Variants in DPT observed in about 807,000 individuals in gnomAD.
DPT encodes the protein dermatopontin.
Under a neutral mutation model 31.2 loss-of-function variants are expected in DPT, and 21 were observed. That is an observed-to-expected ratio of 0.67 (90% CI 0.48 to 0.97). DPT has a LOEUF of 0.97. Ranked by LOEUF, DPT falls within the 50% of genes least tolerant of loss-of-function variation. DPT has a pLI of 0.00. For missense variants in DPT, 262 were observed against 258.8 expected, an observed-to-expected ratio of 1.01 and a Z score of -0.08; for synonymous variants, 91 against 86.9, an observed-to-expected ratio of 1.05 and a Z score of -0.26.
At chr1:168,699,582 AT>A (rs1476737756) in intron 3 of DPT, among the ~76,000 whole-genome samples, 3 of 150,532 alleles carry the variant, frequency 2.0e-5, no homozygotes, top group Non-Finnish European at 4.4e-5. Context: ...GAGCTACTTA[AT>A]GTCTTTTTTT....
intron 1 of DPT, among the ~76,000 whole-genome samples, chr1:168,720,153 A>C (rs1650069629): frequency 6.6e-6 from 1 of 152,128 alleles, no homozygotes; most frequent in African/African-American, 2.4e-5. Flanking sequence ...GCCTCACCTA[A>C]GGCACTGTGT....
chr1:168,709,743 A>G (rs1223343151), intron 2 of DPT, among the ~76,000 whole-genome samples: 4 of 152,206 alleles, frequency 2.6e-5, no homozygotes, highest in Non-Finnish European at 4.4e-5. Context: ...TCCCACCCAC[A>G]TGGGTCCAGT....
intron 3 of DPT, among the ~76,000 whole-genome samples, chr1:168,698,687 A>G (rs1474784357): frequency 1.3e-5 from 2 of 152,150 alleles, no homozygotes; most frequent in Admixed American, 1.3e-4. Context: ...GGGTAGACTA[A>G]ACATCTAGAA....
intron 1 of DPT, among the ~76,000 whole-genome samples, chr1:168,722,704 G>A (rs959608452): frequency 2.6e-5 from 4 of 152,086 alleles, no homozygotes; most frequent in African/African-American, 4.8e-5. Flanking sequence ...GTTCTAGGGA[G>A]GTGTGTTTTA....
intron 1 of DPT, among the ~76,000 whole-genome samples, chr1:168,719,602 A>G (rs1650055090): frequency 6.6e-6 from 1 of 152,056 alleles, no homozygotes; most frequent in Non-Finnish European, 1.5e-5. Flanking sequence ...TTGGAGGGAA[A>G]CTACTTGGAG....
intron 2 of DPT, among the ~76,000 whole-genome samples, chr1:168,706,073 T>A (rs867066824): frequency 1.3e-5 from 2 of 152,198 alleles, no homozygotes; most frequent in Non-Finnish European, 2.9e-5. Flanking sequence ...ATCAGCAACA[T>A]GAAAATGGAC....
intron 2 of DPT, among the ~76,000 whole-genome samples, chr1:168,713,468 C>A (rs7525963): frequency 0.067 from 10,148 of 152,240 alleles, 1,116 homozygotes; most frequent in African/African-American, 0.23. Flanking sequence ...AGGGAGCCAA[C>A]CTTCACATGT....
intron 1 of DPT, among the ~76,000 whole-genome samples, chr1:168,721,358 A>T (rs532350922): frequency 1.3e-5 from 2 of 152,308 alleles, no homozygotes; most frequent in Non-Finnish European, 2.9e-5. Context: ...AACTAAAGAG[A>T]TGCTATATAT....
intron 2 of DPT, among the ~76,000 whole-genome samples, chr1:168,710,265 C>T (rs1306859763): frequency 1.3e-5 from 2 of 152,152 alleles, no homozygotes; most frequent in Non-Finnish European, 2.9e-5. Flanking sequence ...ATTTGGTGAC[C>T]GTGATAGCTC....
chr1:168,701,095 C>A lies in DPT; in HGVS notation c.461G>T (p.Gly154Val). 1 of 1,613,734 alleles carries A rather than the reference C, an allele frequency of 6.2e-7. No homozygotes were observed. Among genetic ancestry groups the A allele is most frequent in the Non-Finnish European group, 8.5e-7 (1 of 1,179,826 alleles). ...GTAGGAAATCATGTCCATTTCCTCACCATAGTGACCTGGATATTCTGTTGT... is the reference window on the plus strand; with the variant it reads ...GTAGGAAATCATGTCCATTTCCTCAACATAGTGACCTGGATATTCTGTTGT... The part of the protein sequence containing the change: ...WLTTEYPGHY[G>V]EEMDMISYNY... Residue 154 changes from glycine to valine, a missense_variant, in exon 3 of 4, where the codon GGT (glycine) becomes GTT (valine). Physicochemically the swap from Gly to Val is moderately radical, Grantham distance 109. Transcript: ENST00000367817.
chr1:168,723,766 C>A (rs1650173034), intron 1 of DPT, among the ~76,000 whole-genome samples: 1 of 152,170 alleles, frequency 6.6e-6, no homozygotes, highest in Admixed American at 6.5e-5. Context: ...GCCCAAGACC[C>A]CCTCCAGTGC....
intron 2 of DPT, among the ~76,000 whole-genome samples, chr1:168,708,868 A>T (rs1383162981): frequency 6.6e-6 from 1 of 152,200 alleles, no homozygotes; most frequent in Admixed American, 6.5e-5. Context: ...TAACATCTGA[A>T]CAAAGAGGCT....
At position 168,701,143 on chromosome 1, in the gene DPT, G is replaced by A. The variant is rs74122751; in HGVS notation, c.432-19C>T. ...TGTTAGCCTATGCAGGAAGAACAAA[G>A]GTTAGAGGAAAATGAAACACATTAT... On this transcript the variant is annotated intron_variant, in intron 2 of 3. Coordinates refer to ENST00000367817, the MANE Select transcript of DPT (RefSeq NM_001937.5). 5.6e-3 allele frequency: 8,696 copies of A among 1,565,538 alleles called. 439 individuals are homozygous for A. The African/African-American group carries it at 0.11, about 19-fold the overall frequency.
chr1:168,709,473 G>C lies in DPT; in HGVS notation c.431+4748C>G, dbSNP rs142843695. Among the ~76,000 whole-genome samples the C allele has an allele frequency of 8.5e-3, 1,289 of 152,300 alleles. 13 individuals are homozygous for C. The highest frequency in any genetic ancestry group is 0.027 in the Middle Eastern group (8 of 294). ...CTCAGGAATTTGCTTTCTTGCCAGA[G>C]TCCAGTGAGGCTGTAATATCCAAAG... is the stretch of plus-strand genomic sequence containing the variant. On this transcript the variant is annotated intron_variant, in intron 2 of 3. Transcript: ENST00000367817.
chr1:168,717,217 T>C (rs1475789762), intron 1 of DPT, among the ~76,000 whole-genome samples: 1 of 152,228 alleles, frequency 6.6e-6, no homozygotes, highest in Non-Finnish European at 1.5e-5. Context: ...CCAGCATCTG[T>C]TGGTTCTTGG....
chr1:168,701,554 A>G (rs564977851), intron 2 of DPT, among the ~76,000 whole-genome samples: 2 of 152,368 alleles, frequency 1.3e-5, no homozygotes, highest in East Asian at 1.9e-4. Context: ...AAAAGCATGC[A>G]TCACATGCAG....
chr1:168,707,792 G>T (rs138682610), intron 2 of DPT, among the ~76,000 whole-genome samples: 274 of 152,242 alleles, frequency 1.8e-3, no homozygotes, highest in Middle Eastern at 0.014. Context: ...CTGCCATCAT[G>T]TGAAGGACAT....
chr1:168,697,193 G>C (rs1394976796), intron 3 of DPT, among the ~76,000 whole-genome samples: 1 of 152,134 alleles, frequency 6.6e-6, no homozygotes, highest in Non-Finnish European at 1.5e-5. Flanking sequence ...GAGTCCGGGA[G>C]GTTGAAGCTG....
intron 2 of DPT, among the ~76,000 whole-genome samples, chr1:168,708,961 A>C (rs1341055716): frequency 3.3e-5 from 5 of 152,236 alleles, no homozygotes; most frequent in Non-Finnish European, 7.3e-5. Flanking sequence ...AACTAGAGCT[A>C]TACAGGAATT....
Sources: allele counts gnomAD v4.1 joint callset (sites outside exome capture counted in the v4.1 genomes callset), GRCh38; gene constraint gnomAD v4.1.1; transcripts MANE v1.5; gene names NCBI Gene and HGNC (gene_info 2026-07-23, HGNC 2026-07-21).